The following BCAS3 variants were observed in gnomAD, a reference collection of about 807,000 sequenced individuals.
The protein encoded by BCAS3 is BCAS3 microtubule associated cell migration factor.
BCAS3 carries 53 observed loss-of-function variants against 116.1 expected under a neutral mutation model. The observed-to-expected ratio is 0.46, with a 90% confidence interval of 0.37 to 0.57. BCAS3 has a LOEUF of 0.57. Ranked by LOEUF, BCAS3 falls within the 20% of genes least tolerant of loss-of-function variation. BCAS3 has a pLI of 0.00. For missense variants in BCAS3, 917 were observed against 1,165.4 expected, an observed-to-expected ratio of 0.79 and a Z score of 3.10; for synonymous variants, 391 against 408.2, an observed-to-expected ratio of 0.96 and a Z score of 0.51.
intron 22 of BCAS3, among the ~76,000 whole-genome samples, chr17:61,100,672 A>G (rs1305066758): frequency 4.6e-5 from 7 of 152,170 alleles, no homozygotes; most frequent in African/African-American, 1.2e-4. Context: ...AATGAATTCA[A>G]TATTTCATCA....
chr17:60,728,940 T>C (rs1887207591), intron 5 of BCAS3, among the ~76,000 whole-genome samples: 2 of 152,216 alleles, frequency 1.3e-5, no homozygotes, highest in Admixed American at 6.5e-5. Flanking sequence ...GAAACCACCA[T>C]TGGGGAGAAA....
intron 8 of BCAS3, among the ~76,000 whole-genome samples, chr17:60,872,470 A>G (rs1375504734): frequency 1.4e-5 from 2 of 141,722 alleles, no homozygotes; most frequent in Admixed American, 1.4e-4. Context: ...CACCCCATAT[A>G]TATCTGTATG....
chr17:61,194,111 T>C (rs1400321772), intron 22 of BCAS3, among the ~76,000 whole-genome samples: 12 of 151,920 alleles, frequency 7.9e-5, no homozygotes. Flanking sequence ...AGCGAGACCC[T>C]GTCTCAGAAA....
At position 61,145,633 on chromosome 17, in the gene BCAS3, TA is replaced by T. The variant is rs2077159890; in HGVS notation, c.2425+61075del. Among the ~76,000 whole-genome samples, 2 of 152,210 alleles carry T rather than the reference TA, an allele frequency of 1.3e-5. No homozygotes were observed. The highest frequency in any genetic ancestry group is 4.8e-5 in the African/African-American group (2 of 41,456). ...ACCCTTGTGTCATTTAATGTTACTTTAAAAAATTATTCTTAAATGTTCAGCA... is the reference window on the plus strand; with the variant it reads ...ACCCTTGTGTCATTTAATGTTACTTTAAAAATTATTCTTAAATGTTCAGCA... On this transcript the variant is annotated intron_variant, in intron 22 of 23. Transcript: ENST00000407086. This position sits in a 1 kb window ranked among gnomAD's most constrained non-coding sequence, Gnocchi z 5.0.
chr17:61,015,705 A>C, intron 15 of BCAS3, 46 bp from the exon 16 acceptor site: 1 of 1,597,200 alleles, frequency 6.3e-7, no homozygotes, highest in Non-Finnish European at 8.6e-7. Flanking sequence ...AACGGGAGAT[A>C]GAGAACCTTC....
chr17:61,353,984 C>G (rs924314283), intron 22 of BCAS3: 1 of 152,238 alleles, frequency 6.6e-6, no homozygotes, highest in South Asian at 2.1e-4. Flanking sequence ...CAGAGAAGTC[C>G]CTGTGAGACG....
At chr17:60,815,965 C>T (rs566091661) in intron 7 of BCAS3, among the ~76,000 whole-genome samples, 4 of 152,254 alleles carry the variant, frequency 2.6e-5, no homozygotes, top group Non-Finnish European at 4.4e-5. Context: ...TAGTTATACT[C>T]ATCCTTTATT....
Position 60,766,014 on chromosome 17 carries a change from G to A in BCAS3, c.403+18735G>A, listed in dbSNP as rs371506192. 5.3e-5 allele frequency among the ~76,000 whole-genome samples: 8 copies of A among 152,208 alleles called. No homozygotes were observed. The East Asian group carries it at 7.7e-4, about 15-fold the overall frequency. ...CATGTGCATGTGTCACGTAGTTCTC[G>A]TGCCATGGTTTTCAGCTCCATCAGG... On this transcript the variant is annotated intron_variant, in intron 6 of 23. Coordinates refer to ENST00000407086, the MANE Select transcript of BCAS3 (RefSeq NM_017679.5).
intron 6 of BCAS3, among the ~76,000 whole-genome samples, chr17:60,795,420 T>C (rs1568268444): frequency 6.6e-6 from 1 of 152,154 alleles, no homozygotes; most frequent in South Asian, 2.1e-4. Flanking sequence ...TTTTCTCTCG[T>C]CTGATTGCTC....
rs1324177856 is a variant in BCAS3, at chr17:61,228,212, T to C, written c.2426-140115T>C. ...TTGAAGTCTTGAACAGTTTCAAAGA[T>C]GGGAAAATTCTTTATTATTTTGCTT... On this transcript the variant is annotated intron_variant, in intron 22 of 23. Coordinates refer to ENST00000407086, the MANE Select transcript of BCAS3 (RefSeq NM_017679.5). This position sits in a 1 kb window ranked among gnomAD's most constrained non-coding sequence, Gnocchi z 5.0. Among the ~76,000 whole-genome samples the C allele has an allele frequency of 1.3e-5, 2 of 152,174 alleles. No homozygotes were observed. Among genetic ancestry groups the C allele is most frequent in the Admixed American group, 6.5e-5 (1 of 15,276 alleles).
chr17:61,368,255 TG>T lies in BCAS3; in HGVS notation c.2426-69del, dbSNP rs1313543143. Reference sequence around the variant, plus strand: ...GACCCTGGGTATGGAGAGGAGCGGGTGGGAGGTAGACAAGAATGGCCTGCTC... The same window carrying T: ...GACCCTGGGTATGGAGAGGAGCGGGTGGAGGTAGACAAGAATGGCCTGCTC... On this transcript the variant is annotated intron_variant, in intron 22 of 23. Coordinates refer to ENST00000407086, the MANE Select transcript of BCAS3 (RefSeq NM_017679.5). The surrounding 1 kb of genome is among the most constrained non-coding windows in gnomAD (Gnocchi z 6.0). The T allele has an allele frequency of 6.8e-6, 10 of 1,472,446 alleles. No homozygotes were observed. The highest frequency in any genetic ancestry group is 7.4e-6 in the Non-Finnish European group (8 of 1,087,924). 91.2% of individuals were successfully genotyped at this position (1,472,446 alleles called of 1,614,324 possible). A position where few individuals can be genotyped will look rare whatever the true frequency, so the allele number is the denominator to read the frequency against.
Position 61,151,045 on chromosome 17 carries a change from T to C in BCAS3, c.2425+66481T>C, listed in dbSNP as rs944832084. 6.6e-6 allele frequency among the ~76,000 whole-genome samples: 1 copy of C among 152,192 alleles called. No individual in the cohort carries two copies. The highest frequency in any genetic ancestry group is 1.5e-5 in the Non-Finnish European group (1 of 68,026). ...CCACATCTAGACAACTGAATTTCAC[T>C]TACACTTCCAACTTCTCATTTAAAG... On this transcript the variant is annotated intron_variant, in intron 22 of 23. Transcript: ENST00000407086. The surrounding 1 kb of genome is among the most constrained non-coding windows in gnomAD (Gnocchi z 4.8).
In BCAS3 at chr17:61,196,051, C is replaced by T. The variant is rs1238020415; in HGVS notation, c.2425+111487C>T. Among the ~76,000 whole-genome samples, 2 of 151,934 alleles carry T rather than the reference C, an allele frequency of 1.3e-5. No individual in the cohort carries two copies. The highest frequency in any genetic ancestry group is 3.8e-4 in the East Asian group (2 of 5,198). Reference sequence around the variant, plus strand: ...AACTGAAAATATAGCTTGTTTTTACCTCTCATCTAACTTTGGAGACCACAG... The same window carrying T: ...AACTGAAAATATAGCTTGTTTTTACTTCTCATCTAACTTTGGAGACCACAG... On this transcript the variant is annotated intron_variant, in intron 22 of 23. Transcript: ENST00000407086. This position sits in a 1 kb window ranked among gnomAD's most constrained non-coding sequence, Gnocchi z 4.7.
At chr17:61,231,977 G>T (rs554581773) in intron 22 of BCAS3, among the ~76,000 whole-genome samples, 48 of 151,476 alleles carry the variant, frequency 3.2e-4, no homozygotes, top group Middle Eastern at 3.5e-3. Flanking sequence ...GAGGCCGAGG[G>T]GGGTGGATCA....
intron 22 of BCAS3, among the ~76,000 whole-genome samples, chr17:61,174,090 T>G (rs2079007502): frequency 1.3e-5 from 2 of 152,220 alleles, no homozygotes; most frequent in South Asian, 4.1e-4. Context: ...TGTTTAATAT[T>G]TTTAAATTTA....
chr17:60,719,451 T>C (rs567280864), intron 5 of BCAS3, among the ~76,000 whole-genome samples: 11 of 152,350 alleles, frequency 7.2e-5, no homozygotes, highest in Admixed American at 2.6e-4. Context: ...CATCAAGACA[T>C]CCAGTTGGAG....
Position 61,130,119 on chromosome 17 carries a change from A to G in BCAS3, c.2425+45555A>G, listed in dbSNP as rs9916670. 0.86 allele frequency among the ~76,000 whole-genome samples: 130,616 copies of G among 152,206 alleles called. 59,553 individuals are homozygous for G. The highest frequency in any genetic ancestry group is 1 in the East Asian group (5,180 of 5,180). ...GATGATGCTCTAATGACATCTGTCC[A>G]GTTGTTGTAATCACATATTTGGTGG... On this transcript the variant is annotated intron_variant, in intron 22 of 23. Transcript: ENST00000407086. The surrounding 1 kb of genome is among the most constrained non-coding windows in gnomAD (Gnocchi z 5.0).
intron 7 of BCAS3, among the ~76,000 whole-genome samples, chr17:60,828,321 T>C (rs1184104381): frequency 6.6e-6 from 1 of 152,216 alleles, no homozygotes; most frequent in Non-Finnish European, 1.5e-5. Flanking sequence ...AAGACAAAAG[T>C]TGAAGTAGAT....
At chr17:60,745,842 T>A (rs1036210305) in intron 5 of BCAS3, among the ~76,000 whole-genome samples, 7 of 152,142 alleles carry the variant, frequency 4.6e-5, no homozygotes, top group Non-Finnish European at 8.8e-5. Flanking sequence ...ATGAATGTGA[T>A]AGTCATTTAG....
Sources: gnomAD v4.1 joint callset for allele counts (sites outside exome capture counted in the v4.1 genomes callset) on GRCh38, gnomAD v4.1.1 for gene constraint, Gnocchi (gnomAD v3.1) non-coding constraint, MANE v1.5 for transcripts, NCBI Gene and HGNC (gene_info 2026-07-23, HGNC 2026-07-21) for gene names.